The following PTPRD variants were observed in gnomAD, a reference collection of about 807,000 sequenced individuals.
PTPRD encodes the protein protein tyrosine phosphatase receptor type D.
In PTPRD, 34 loss-of-function variants were observed where a neutral mutation model predicts 214.5. The observed-to-expected ratio is 0.16, with a 90% CI of 0.12 to 0.21. PTPRD has a LOEUF of 0.21. Ranked by LOEUF, PTPRD falls within the 10% of genes least tolerant of loss-of-function variation. The pLI is 1.00. For missense variants in PTPRD, 2,545 were observed against 2,398.7 expected (o/e 1.06, Z -1.27); for synonymous variants, 1,128 against 845.7 (o/e 1.33, Z -5.79).
At chr9:10,423,428 T>A (rs200144149) in intron 2 of PTPRD, among the ~76,000 whole-genome samples, 1 of 151,854 alleles carries the variant, frequency 6.6e-6, no homozygotes, top group Non-Finnish European at 1.5e-5. Flanking sequence ...ATGTTGTGCA[T>A]ATGTACCCTA....
chr9:8,332,663 T>C (rs1248820000), intron 43 of PTPRD, among the ~76,000 whole-genome samples: 1 of 149,618 alleles, frequency 6.7e-6, no homozygotes, highest in African/African-American at 2.5e-5. Flanking sequence ...GATCTTCTGA[T>C]CCCTTGTGGA....
At chr9:8,738,741 G>A (rs1021960895) in intron 11 of PTPRD, among the ~76,000 whole-genome samples, 2 of 151,068 alleles carry the variant, frequency 1.3e-5, no homozygotes, top group African/African-American at 2.4e-5. Context: ...CTCTGAAAAC[G>A]GGAACAGAAA....
chr9:8,439,327 G>A (rs2095464452), intron 34 of PTPRD, among the ~76,000 whole-genome samples: 1 of 152,132 alleles, frequency 6.6e-6, no homozygotes, highest in South Asian at 2.1e-4. Context: ...ATAAATTCAA[G>A]AGCCATTCTC....
intron 10 of PTPRD, among the ~76,000 whole-genome samples, chr9:9,058,599 G>A (rs374238663): frequency 2.0e-5 from 3 of 150,928 alleles, no homozygotes; most frequent in South Asian, 2.1e-4. Context: ...ACAGGCTCCC[G>A]CCACCTCGCC....
Position 9,899,865 on chromosome 9 carries a change from A to G in PTPRD, c.-368+38642T>C, listed in dbSNP as rs74776856. Among the ~76,000 whole-genome samples, 579 of 152,280 alleles carry G rather than the reference A, an allele frequency of 3.8e-3. 7 individuals carry two copies. Among genetic ancestry groups the G allele is most frequent in the African/African-American group, 0.012 (479 of 41,568 alleles). On this transcript the variant is annotated intron_variant, in intron 5 of 45. Coordinates refer to ENST00000381196, the MANE Select transcript of PTPRD (RefSeq NM_002839.4). Reference sequence around the variant, plus strand: ...ATGCAGATGGAACACTAGTCTTAAGAAAGAAAAAAATCCAGTCACTTGTGA... The same window carrying G: ...ATGCAGATGGAACACTAGTCTTAAGGAAGAAAAAAATCCAGTCACTTGTGA...
chr9:9,311,448 A>T lies in PTPRD; in HGVS notation c.-203+86001T>A, dbSNP rs140228391. Among the ~76,000 whole-genome samples the T allele has an allele frequency of 4.6e-3, 708 of 152,322 alleles. 2 individuals are homozygous for T. Among genetic ancestry groups the T allele is most frequent in the South Asian group, 0.011 (54 of 4,828 alleles). On this transcript the variant is annotated intron_variant, in intron 9 of 45. Coordinates refer to ENST00000381196, the MANE Select transcript of PTPRD (RefSeq NM_002839.4). ...AACAAAATCATCCCCCTAAAACTTC[A>T]GACACAAGGCTACTGCTCCAATGTC...
chr9:8,390,048 T>G (rs984090068), intron 36 of PTPRD, among the ~76,000 whole-genome samples: 4 of 152,168 alleles, frequency 2.6e-5, no homozygotes, highest in African/African-American at 9.7e-5. Flanking sequence ...AAGTATTGCT[T>G]CTCATTTAAA....
At chr9:10,217,725 A>G (rs566506484) in intron 3 of PTPRD, among the ~76,000 whole-genome samples, 1 of 152,090 alleles carries the variant, frequency 6.6e-6, no homozygotes, top group East Asian at 1.9e-4. Flanking sequence ...AAATTCAACT[A>G]CATGTATATA....
intron 11 of PTPRD, among the ~76,000 whole-genome samples, chr9:8,969,092 C>T (rs2099219359): frequency 6.6e-6 from 1 of 152,080 alleles, no homozygotes; most frequent in Non-Finnish European, 1.5e-5. Context: ...CACTCCTCCT[C>T]CTCATCCCAT....
intron 3 of PTPRD, among the ~76,000 whole-genome samples, chr9:10,184,001 TG>T (rs2099315794): frequency 6.6e-6 from 1 of 152,224 alleles, no homozygotes; most frequent in African/African-American, 2.4e-5. Context: ...TTAACACATC[TG>T]GTCACATGCA....
At chr9:10,591,570 C>G (rs961050455) in intron 2 of PTPRD, among the ~76,000 whole-genome samples, 5 of 151,762 alleles carry the variant, frequency 3.3e-5, no homozygotes, top group Non-Finnish European at 7.4e-5. Flanking sequence ...ATTGCAAGAT[C>G]TATTAAAATC....
chr9:10,252,994 G>T (rs1311064638), intron 3 of PTPRD, among the ~76,000 whole-genome samples: 1 of 152,104 alleles, frequency 6.6e-6, no homozygotes, highest in East Asian at 1.9e-4. Context: ...ATATTGGCCA[G>T]AGTGGTCTCA....
intron 8 of PTPRD, among the ~76,000 whole-genome samples, chr9:9,466,506 A>G (rs1461331394): frequency 6.6e-6 from 1 of 152,184 alleles, no homozygotes; most frequent in Non-Finnish European, 1.5e-5. Context: ...TAATTGAAGC[A>G]AAGGAACTCG....
At chr9:9,931,959 A>C (rs1057108317) in intron 5 of PTPRD, among the ~76,000 whole-genome samples, 9 of 151,980 alleles carry the variant, frequency 5.9e-5, no homozygotes, top group African/African-American at 2.2e-4. Flanking sequence ...ACCCCCCAGC[A>C]GGGGCACACT....
intron 8 of PTPRD, among the ~76,000 whole-genome samples, chr9:9,427,704 A>AAT (rs2081482915): frequency 2.0e-5 from 3 of 152,212 alleles, no homozygotes; most frequent in Non-Finnish European, 4.4e-5. Flanking sequence ...TCAGACTAAC[A>AAT]GCTGATCTCT....
intron 39 of PTPRD, among the ~76,000 whole-genome samples, chr9:8,363,312 T>A (rs2078970013): frequency 6.6e-6 from 1 of 152,162 alleles, no homozygotes. Flanking sequence ...ATAGGTCAAA[T>A]CTCAATATAA....
At chr9:9,261,143 G>A (rs1016433050) in intron 9 of PTPRD, among the ~76,000 whole-genome samples, 1 of 151,744 alleles carries the variant, frequency 6.6e-6, no homozygotes, top group African/African-American at 2.4e-5. Context: ...TGTTCACAAG[G>A]CCTGTTTACG....
chr9:9,223,735 C>A (rs998363925), intron 9 of PTPRD, among the ~76,000 whole-genome samples: 2 of 151,844 alleles, frequency 1.3e-5, no homozygotes, highest in East Asian at 3.9e-4. Flanking sequence ...AGTGCATTGA[C>A]AATGCAAATC....
chr9:9,342,677 A>T (rs933960604), intron 9 of PTPRD, among the ~76,000 whole-genome samples: 2 of 151,044 alleles, frequency 1.3e-5, no homozygotes, highest in African/African-American at 2.4e-5. Context: ...AGTATCTTCC[A>T]AGGCAGTCTC....
Sources: allele counts gnomAD v4.1 joint callset (sites outside exome capture counted in the v4.1 genomes callset), GRCh38; gene constraint gnomAD v4.1.1; transcripts MANE v1.5; gene names NCBI Gene and HGNC (gene_info 2026-07-23, HGNC 2026-07-21).